GRM7: variants seen among roughly 807,000 people sequenced by gnomAD.
GRM7 encodes glutamate metabotropic receptor 7.
Under a neutral mutation model 84.5 loss-of-function variants are expected in GRM7, and 35 were observed. The observed-to-expected ratio is 0.41, with a 90% CI of 0.32 to 0.55. The LOEUF (loss-of-function observed/expected upper bound fraction) is 0.55, where lower values mean the gene tolerates loss of function less well. GRM7 is among the 20% of genes least tolerant of loss of function. GRM7 has a pLI of 0.19. For missense variants in GRM7, 1,003 were observed against 1,194.6 expected (o/e 0.84, Z 2.36); for synonymous variants, 487 against 455.1 (o/e 1.07, Z -0.89).
intron 2 of GRM7, among the ~76,000 whole-genome samples, chr3:7,239,097 T>G (rs1697456508): frequency 6.6e-6 from 1 of 150,496 alleles, no homozygotes; most frequent in Non-Finnish European, 1.5e-5. Context: ...CTCCCTGGGC[T>G]CAAGTGATCT....
intron 2 of GRM7, among the ~76,000 whole-genome samples, chr3:7,198,157 A>G (rs1695942287): frequency 7.2e-6 from 1 of 138,866 alleles, no homozygotes; most frequent in African/African-American, 3.0e-5. Flanking sequence ...TAAAATGTTA[A>G]AAAAAAAAAA....
At chr3:7,343,568 A>G (rs1692749369) in intron 4 of GRM7, among the ~76,000 whole-genome samples, 1 of 152,098 alleles carries the variant, frequency 6.6e-6, no homozygotes, top group Admixed American at 6.6e-5. Flanking sequence ...TTTTTATTAA[A>G]TTAATGCACA....
chr3:7,691,730 C>T (rs573902883), intron 9 of GRM7, among the ~76,000 whole-genome samples: 19 of 152,122 alleles, frequency 1.2e-4, no homozygotes, highest in South Asian at 4.1e-4. Context: ...GCATGATCTC[C>T]GCTCACTGCA....
At chr3:7,050,218 C>A (rs1222091850) in intron 1 of GRM7, among the ~76,000 whole-genome samples, 1 of 151,888 alleles carries the variant, frequency 6.6e-6, no homozygotes, top group Admixed American at 6.6e-5. Flanking sequence ...CCAGTGATCT[C>A]ATGAACTTTT....
chr3:7,064,073 ATTTAT>A (rs559560378), intron 1 of GRM7, among the ~76,000 whole-genome samples: 151 of 151,450 alleles, frequency 1.0e-3, no homozygotes, highest in African/African-American at 3.4e-3. Context: ...TTACTTTATA[ATTTAT>A]TTTATTTTAT....
intron 4 of GRM7, among the ~76,000 whole-genome samples, chr3:7,394,786 C>G (rs949116428): frequency 4.6e-5 from 7 of 152,002 alleles, no homozygotes; most frequent in Non-Finnish European, 8.8e-5. Context: ...GCCTGTAATC[C>G]CAGCACTTTG....
chr3:7,240,915 G>A (rs1390293905), intron 2 of GRM7, among the ~76,000 whole-genome samples: 3 of 152,128 alleles, frequency 2.0e-5, no homozygotes, highest in Non-Finnish European at 4.4e-5. Flanking sequence ...ATTGCCTACA[G>A]TATTCGGGAC....
chr3:6,980,872 AT>A (rs1413069769), intron 1 of GRM7, among the ~76,000 whole-genome samples: 1 of 152,228 alleles, frequency 6.6e-6, no homozygotes, highest in African/African-American at 2.4e-5. Context: ...AAGGCTATAG[AT>A]TAGGTGAGAT....
intron 8 of GRM7, among the ~76,000 whole-genome samples, chr3:7,588,570 T>G (rs1200268962): frequency 6.6e-6 from 1 of 152,164 alleles, no homozygotes; most frequent in Non-Finnish European, 1.5e-5. Context: ...CTAAGTCTCA[T>G]GTACATGATG....
rs3220585 is a variant in GRM7, at chr3:6,877,809, TCACACACACACA to T, written c.519+15935_519+15946del. Reference sequence around the variant, plus strand: ...ATATACACATATACCTACACAGATATCACACACACACACACACACACACACACACACACACAC... The same window carrying T: ...ATATACACATATACCTACACAGATATCACACACACACACACACACACACAC... On this transcript the variant is annotated intron_variant, in intron 1 of 9. Coordinates refer to ENST00000357716, the MANE Select transcript of GRM7 (RefSeq NM_000844.4). Among the ~76,000 whole-genome samples, 380 of 145,624 alleles carry T rather than the reference TCACACACACACA, an allele frequency of 2.6e-3. 1 individual carries two copies. Among genetic ancestry groups the T allele is most frequent in the Middle Eastern group, 0.01 (3 of 290 alleles).
chr3:6,877,171 G>C (rs1426879306), intron 1 of GRM7, among the ~76,000 whole-genome samples: 1 of 152,164 alleles, frequency 6.6e-6, no homozygotes, highest in Non-Finnish European at 1.5e-5. Context: ...CTTGCATCAT[G>C]TTAGTGAGCT....
chr3:7,499,774 C>T (rs1349138043), intron 7 of GRM7, among the ~76,000 whole-genome samples: 5 of 144,710 alleles, frequency 3.5e-5, no homozygotes, highest in African/African-American at 1.4e-4. Context: ...GCCTAGACAC[C>T]ATTCTTTTTT....
chr3:7,385,289 A>ATTT (rs574917994), intron 4 of GRM7, among the ~76,000 whole-genome samples: 1,185 of 67,252 alleles, frequency 0.018, 67 homozygotes, highest in South Asian at 0.026. Flanking sequence ...TTCTATATGG[A>ATTT]TTTTTTTTTT....
chr3:7,578,954 T>C lies in GRM7; in HGVS notation c.2048T>C (p.Ile683Thr), dbSNP rs1695100916. The C allele has an allele frequency of 6.2e-7, 1 of 1,614,020 alleles. No individual in the cohort carries two copies. Among genetic ancestry groups the C allele is most frequent in the Non-Finnish European group, 8.5e-7 (1 of 1,180,036 alleles). Residue 683 changes from isoleucine (I) to threonine (T), a missense_variant, in exon 8 of 10, where the codon ATA becomes ACA. This residue lies in a region of GRM7 where 910 missense variants were observed against 1,126.0 expected (regional missense o/e 0.81). Transcript: ENST00000357716. ...LLTKTNRIYR[I>T]FEQGKKSVTA... ...ACGAAAACAAATCGGATTTATCGCA[T>C]ATTTGAGCAGGGCAAGAAATCAGTA... is the stretch of plus-strand genomic sequence containing the variant.
intron 2 of GRM7, among the ~76,000 whole-genome samples, chr3:7,267,984 G>A (rs996941547): frequency 1.1e-4 from 17 of 152,056 alleles, no homozygotes; most frequent in Non-Finnish European, 1.6e-4. Context: ...AGAAAGAAAC[G>A]CACCTTGCTG....
chr3:6,911,644 A>G (rs17046336), intron 1 of GRM7, among the ~76,000 whole-genome samples: 10,328 of 152,198 alleles, frequency 0.068, 824 homozygotes, highest in East Asian at 0.38. Flanking sequence ...CATCTTTGCT[A>G]TTTATTTTTC....
intron 2 of GRM7, among the ~76,000 whole-genome samples, chr3:7,184,481 T>C (rs965588055): frequency 6.6e-6 from 1 of 152,138 alleles, no homozygotes; most frequent in Non-Finnish European, 1.5e-5. Flanking sequence ...ATTGTTCCAC[T>C]GCTTAATGAT....
chr3:7,503,168 T>C (rs1010707524), intron 7 of GRM7, among the ~76,000 whole-genome samples: 7 of 152,088 alleles, frequency 4.6e-5, no homozygotes, highest in African/African-American at 1.7e-4. Context: ...ATCCCCCATA[T>C]CAGTATTTCT....
chr3:7,504,766 T>C (rs1468470839), intron 7 of GRM7, among the ~76,000 whole-genome samples: 3 of 152,222 alleles, frequency 2.0e-5, no homozygotes, highest in Non-Finnish European at 4.4e-5. Flanking sequence ...GGGATTCAAT[T>C]TTCAACAAAT....
Sources: allele counts gnomAD v4.1 joint callset (sites outside exome capture counted in the v4.1 genomes callset), GRCh38; gene constraint gnomAD v4.1.1; regional missense constraint gnomAD v4.1.1; transcripts MANE v1.5; gene names NCBI Gene and HGNC (gene_info 2026-07-23, HGNC 2026-07-21).